Variants in ATRNL1 observed in about 807,000 individuals in gnomAD.
ATRNL1 encodes attractin-like protein 1.
Under a neutral mutation model 182.7 loss-of-function variants are expected in ATRNL1, and 95 were observed. The observed-to-expected ratio is 0.52, with a 90% CI of 0.44 to 0.62. The LOEUF is 0.62. ATRNL1 is among the 20% of genes least tolerant of loss of function. ATRNL1 has a pLI of 0.00. For missense variants in ATRNL1, 1,471 were observed against 1,679.5 expected, an observed-to-expected ratio of 0.88 and a Z score of 2.17; for synonymous variants, 576 against 568.3, an observed-to-expected ratio of 1.01 and a Z score of -0.19.
intron 24 of ATRNL1, among the ~76,000 whole-genome samples, chr10:115,507,514 G>C (rs1182679164): frequency 1.3e-5 from 2 of 152,066 alleles, no homozygotes; most frequent in East Asian, 3.9e-4. Flanking sequence ...TGTTAGGAAA[G>C]TGTAGTACTT....
rs1262813640 is a variant in ATRNL1, at chr10:115,238,748, G to A, written c.1533-2823G>A. ...TGTATATCTTTTATTTCATTCTCTT[G>A]TCTTATTGCAGTAGCAAGAACTTCC... On this transcript the variant is annotated intron_variant, in intron 9 of 28. Transcript: ENST00000355044. Among the ~76,000 whole-genome samples the A allele has an allele frequency of 3.3e-5, 5 of 151,840 alleles. No homozygotes were observed. The East Asian group carries it at 9.7e-4, about 29-fold the overall frequency.
chr10:115,535,601 C>G (rs1554989965), intron 25 of ATRNL1, among the ~76,000 whole-genome samples: 1 of 152,186 alleles, frequency 6.6e-6, no homozygotes, highest in Admixed American at 6.5e-5. Context: ...GCCTTCTTCT[C>G]TCAACTCATC....
chr10:115,131,316 T>C (rs1349948379), intron 5 of ATRNL1, among the ~76,000 whole-genome samples: 1 of 152,136 alleles, frequency 6.6e-6, no homozygotes, highest in Non-Finnish European at 1.5e-5. Flanking sequence ...TTGTAAATTA[T>C]AAAACGCAGA....
chr10:115,776,178 T>C (rs1949121711), intron 27 of ATRNL1, among the ~76,000 whole-genome samples: 1 of 152,158 alleles, frequency 6.6e-6, no homozygotes, highest in Non-Finnish European at 1.5e-5. Context: ...ATAAGTGGTA[T>C]ATTATCTAGC....
At chr10:115,354,323 T>C (rs1242049608) in intron 19 of ATRNL1, among the ~76,000 whole-genome samples, 1 of 152,198 alleles carries the variant, frequency 6.6e-6, no homozygotes, top group Non-Finnish European at 1.5e-5. Context: ...TACTTTCAGA[T>C]TGATAAAATC....
At chr10:115,793,584 T>A (rs1439955464) in intron 27 of ATRNL1, among the ~76,000 whole-genome samples, 3 of 152,118 alleles carry the variant, frequency 2.0e-5, no homozygotes, top group Admixed American at 6.6e-5. Flanking sequence ...CACTTTGGTT[T>A]TAATAAAAAC....
intron 19 of ATRNL1, among the ~76,000 whole-genome samples, chr10:115,361,445 C>G (rs1386490471): frequency 6.6e-6 from 1 of 151,978 alleles, no homozygotes; most frequent in African/African-American, 2.4e-5. Context: ...TTAGTGGGCT[C>G]TGAGCATCAT....
At chr10:115,440,603 C>A (rs1321228614) in intron 21 of ATRNL1, among the ~76,000 whole-genome samples, 1 of 151,860 alleles carries the variant, frequency 6.6e-6, no homozygotes, top group African/African-American at 2.4e-5. Context: ...TTCTTTTATA[C>A]CCTTAACCAT....
chr10:115,538,320 C>T (rs1852162072), intron 25 of ATRNL1, among the ~76,000 whole-genome samples: 1 of 152,222 alleles, frequency 6.6e-6, no homozygotes, highest in Non-Finnish European at 1.5e-5. Flanking sequence ...ACCAGCAAAG[C>T]TCAGGGTTCC....
At chr10:115,859,294 C>T (rs1951256436) in intron 28 of ATRNL1, among the ~76,000 whole-genome samples, 2 of 152,152 alleles carry the variant, frequency 1.3e-5, no homozygotes, top group South Asian at 4.2e-4. Context: ...CTCAGAATGA[C>T]TAGAACCAAG....
intron 21 of ATRNL1, among the ~76,000 whole-genome samples, chr10:115,445,858 CT>C (rs1220395401): frequency 6.0e-4 from 2 of 3,328 alleles, no homozygotes. Context: ...ATAAATCAGT[CT>C]TTTGTGACTG....
chr10:115,414,868 C>A (rs1230352765), intron 20 of ATRNL1, among the ~76,000 whole-genome samples: 1 of 151,698 alleles, frequency 6.6e-6, no homozygotes, highest in African/African-American at 2.4e-5. Flanking sequence ...TAAAAATGTT[C>A]ATTTTTTTGT....
intron 27 of ATRNL1, among the ~76,000 whole-genome samples, chr10:115,776,181 T>G (rs1949121795): frequency 6.6e-6 from 1 of 152,114 alleles, no homozygotes; most frequent in Non-Finnish European, 1.5e-5. Flanking sequence ...AGTGGTATAT[T>G]ATCTAGCGAG....
At chr10:115,417,838 G>A (rs1194200257) in intron 20 of ATRNL1, among the ~76,000 whole-genome samples, 1 of 152,162 alleles carries the variant, frequency 6.6e-6, no homozygotes, top group African/African-American at 2.4e-5. Flanking sequence ...TGGCAGATAT[G>A]GGCTTAGACT....
chr10:115,199,321 A>G (rs1415824421), intron 8 of ATRNL1, among the ~76,000 whole-genome samples: 2 of 152,044 alleles, frequency 1.3e-5, no homozygotes, highest in Non-Finnish European at 2.9e-5. Context: ...TAATCCCAGC[A>G]CTTTGGAGGC....
At chr10:115,251,832 A>G (rs1850890842) in intron 10 of ATRNL1, among the ~76,000 whole-genome samples, 1 of 152,168 alleles carries the variant, frequency 6.6e-6, no homozygotes, top group African/African-American at 2.4e-5. Context: ...ATAGCAAGTG[A>G]ACATCACCTC....
At chr10:115,365,568 G>C (rs1856991020) in intron 19 of ATRNL1, among the ~76,000 whole-genome samples, 1 of 152,100 alleles carries the variant, frequency 6.6e-6, no homozygotes, top group Admixed American at 6.6e-5. Flanking sequence ...GCTAGCTTTA[G>C]AATGTGTTTG....
Position 115,802,783 on chromosome 10 carries a change from C to T in ATRNL1, c.3904-45094C>T, listed in dbSNP as rs964810283. Among the ~76,000 whole-genome samples the T allele has an allele frequency of 5.3e-5, 8 of 152,196 alleles. No homozygotes were observed. The East Asian group carries it at 1.5e-3, about 29-fold the overall frequency. On this transcript the variant is annotated intron_variant, in intron 27 of 28. Transcript: ENST00000355044. ...AACTTAAAAGAAATTAAGTCAGAAG[C>T]CTATAAGGCTAATCCATAAATCAGC... is the stretch of plus-strand genomic sequence containing the variant.
intron 1 of ATRNL1, among the ~76,000 whole-genome samples, chr10:115,104,923 T>G (rs61880776): frequency 6.6e-6 from 1 of 151,976 alleles, no homozygotes; most frequent in Non-Finnish European, 1.5e-5. Flanking sequence ...TCTCTTTTTT[T>G]AATGCCAGTA....
Sources: gnomAD v4.1 joint callset for allele counts (sites outside exome capture counted in the v4.1 genomes callset) on GRCh38, gnomAD v4.1.1 for gene constraint, MANE v1.5 for transcripts, NCBI Gene and HGNC (gene_info 2026-07-23, HGNC 2026-07-21) for gene names.